The following DSCAM variants were observed in gnomAD, a reference collection of about 807,000 sequenced individuals.
DSCAM encodes the protein cell adhesion molecule DSCAM.
In DSCAM, 47 loss-of-function variants were observed where a neutral mutation model predicts 217.7. That is an observed-to-expected ratio of 0.22 (90% confidence interval 0.17 to 0.28). The LOEUF (loss-of-function observed/expected upper bound fraction) is 0.28. Ranked by LOEUF, DSCAM falls within the 10% of genes least tolerant of loss-of-function variation. The pLI, the probability that DSCAM is intolerant of heterozygous loss-of-function variation, is 1.00. For missense variants in DSCAM, 2,080 were observed against 2,618.3 expected (o/e 0.79, Z 4.49); for synonymous variants, 1,056 against 1,015.3 (o/e 1.04, Z -0.76).
intron 32 of DSCAM, 89 bp downstream of exon 32, chr21:40,042,282 C>A: frequency 6.9e-7 from 1 of 1,443,890 alleles, no homozygotes; most frequent in Non-Finnish European, 9.4e-7. Context: ...TTGGTCTGAA[C>A]ACTGAGAAGG....
At chr21:40,654,936 A>G (rs1002973402) in intron 3 of DSCAM, among the ~76,000 whole-genome samples, 35 of 152,092 alleles carry the variant, frequency 2.3e-4, no homozygotes, top group African/African-American at 8.2e-4. Context: ...TAAGTACCAG[A>G]TTTTCCACCA....
intron 3 of DSCAM, among the ~76,000 whole-genome samples, chr21:40,542,950 C>A (rs1186589760): frequency 6.6e-6 from 1 of 152,126 alleles, no homozygotes; most frequent in South Asian, 2.1e-4. Flanking sequence ...TGGCCCCTCA[C>A]CCGGGCCTCT....
At chr21:40,226,783 G>A (rs1251273541) in intron 11 of DSCAM, among the ~76,000 whole-genome samples, 1 of 152,050 alleles carries the variant, frequency 6.6e-6, no homozygotes, top group African/African-American at 2.4e-5. Flanking sequence ...GGGTACAAGT[G>A]CACATTTATT....
chr21:40,167,026 C>T (rs2090602573), intron 16 of DSCAM, among the ~76,000 whole-genome samples, 192 bp downstream of exon 16: 1 of 150,500 alleles, frequency 6.6e-6, no homozygotes, highest in Non-Finnish European at 1.5e-5. Flanking sequence ...TTCTCTGAGA[C>T]ACAGAATTTG....
intron 3 of DSCAM, among the ~76,000 whole-genome samples, chr21:40,511,498 T>C (rs2076256784): frequency 2.0e-5 from 3 of 152,180 alleles, no homozygotes; most frequent in Admixed American, 6.5e-5. Context: ...AACTTTATCA[T>C]TTCTCCAAAG....
chr21:40,348,389 T>G lies in DSCAM; in HGVS notation c.935-444A>C, dbSNP rs570897274. Among the ~76,000 whole-genome samples, 18 of 151,538 alleles carry G rather than the reference T, an allele frequency of 1.2e-4. No homozygotes were observed. In the South Asian group the frequency reaches 3.5e-3, roughly 30 times the overall value. ...CCCAGAGAGTTCCTATTAGCCACAT[T>G]ATTGCAATCATACCCTAGAGAGTTC... On this transcript the variant is annotated intron_variant, in intron 5 of 32. Coordinates refer to ENST00000400454, the MANE Select transcript of DSCAM (RefSeq NM_001389.5).
intron 9 of DSCAM, among the ~76,000 whole-genome samples, chr21:40,304,152 G>C (rs1467042478): frequency 6.6e-6 from 1 of 152,172 alleles, no homozygotes; most frequent in Non-Finnish European, 1.5e-5. Context: ...TTTTGCTTTT[G>C]GGGTGTTGTT....
intron 3 of DSCAM, among the ~76,000 whole-genome samples, chr21:40,502,651 C>G (rs764624384): frequency 1.1e-4 from 16 of 152,150 alleles, no homozygotes; most frequent in Non-Finnish European, 2.1e-4. Flanking sequence ...CACGGGTTCT[C>G]CCGTCTCTTC....
rs560543526 is a variant in DSCAM, at chr21:40,280,438, C to T, written c.2183-4168G>A. On this transcript the variant is annotated intron_variant, in intron 10 of 32. Transcript: ENST00000400454. ...TCTTGGCCACAATTGATCCTTCCAC[C>T]TTAGCCTCCCAAAGTGTTGGGAAAA... is the stretch of plus-strand genomic sequence containing the variant. 3.9e-5 allele frequency among the ~76,000 whole-genome samples: 6 copies of T among 152,224 alleles called. No individual in the cohort carries two copies. The East Asian group carries it at 9.7e-4, about 25-fold the overall frequency.
rs76167902 is a variant in DSCAM, at chr21:40,334,021, G to T, written c.1783+4080C>A. On this transcript the variant is annotated intron_variant, in intron 8 of 32. Coordinates refer to ENST00000400454, the MANE Select transcript of DSCAM (RefSeq NM_001389.5). ...TAAACTTACATTTCAAACAGTCCTT[G>T]TTTGAATTTTTGTCAGACTTTATTT... Among the ~76,000 whole-genome samples the T allele has an allele frequency of 1.0e-3, 156 of 152,286 alleles. No individual in the cohort carries two copies. In the East Asian group the frequency reaches 0.025, roughly 24 times the overall value.
chr21:40,206,511 T>C (rs2091128072), intron 11 of DSCAM, among the ~76,000 whole-genome samples: 1 of 152,066 alleles, frequency 6.6e-6, no homozygotes, highest in Non-Finnish European at 1.5e-5. Context: ...AGGGCACACA[T>C]TGAGACCCAG....
intron 3 of DSCAM, among the ~76,000 whole-genome samples, chr21:40,442,582 C>T (rs1197977138): frequency 1.0e-4 from 14 of 138,806 alleles, no homozygotes; most frequent in African/African-American, 2.7e-4. Flanking sequence ...TGCAGTGGCA[C>T]GATCTCGGCT....
At chr21:40,518,839 T>C (rs185410396) in intron 3 of DSCAM, among the ~76,000 whole-genome samples, 5 of 151,876 alleles carry the variant, frequency 3.3e-5, no homozygotes, top group Admixed American at 3.3e-4. Flanking sequence ...AATTTCATTA[T>C]CATGCAAACA....
chr21:40,375,338 T>C (rs1478048072), intron 3 of DSCAM, among the ~76,000 whole-genome samples: 1 of 152,264 alleles, frequency 6.6e-6, no homozygotes, highest in Non-Finnish European at 1.5e-5. Flanking sequence ...GGAATCCCAC[T>C]AGACCTAACC....
intron 3 of DSCAM, among the ~76,000 whole-genome samples, chr21:40,467,941 A>AAAAAAC (rs2075858276): frequency 2.0e-5 from 3 of 151,380 alleles, no homozygotes; most frequent in African/African-American, 7.2e-5. Context: ...AAAAAAAAAA[A>AAAAAAC]AAAAAAAAAA....
At chr21:40,518,545 C>A (rs1601710295) in intron 3 of DSCAM, among the ~76,000 whole-genome samples, 1 of 62,148 alleles carries the variant, frequency 1.6e-5, no homozygotes, top group Non-Finnish European at 2.7e-5. Flanking sequence ...TATATATGTA[C>A]ACACACATAT....
At chr21:40,639,076 T>A (rs1051055006) in intron 3 of DSCAM, among the ~76,000 whole-genome samples, 3 of 71,094 alleles carry the variant, frequency 4.2e-5, no homozygotes, top group African/African-American at 1.6e-4. Flanking sequence ...ATATCCTGCA[T>A]TTTTTTTTTT....
chr21:40,338,001 T>C (rs1222045375), intron 8 of DSCAM, 100 bp downstream of exon 8: 3 of 1,439,490 alleles, frequency 2.1e-6, no homozygotes, highest in Admixed American at 1.8e-5. Context: ...TATCCTGCTC[T>C]AAATAAGCAG....
chr21:40,620,240 GAGAGAA>G (rs1329984060), intron 3 of DSCAM, among the ~76,000 whole-genome samples: 71 of 112,556 alleles, frequency 6.3e-4, no homozygotes, highest in Admixed American at 1.2e-3. Context: ...GAAAGAAAGA[GAGAGAA>G]AGAGAGAGAA....
Sources: gnomAD v4.1 joint callset for allele counts (sites outside exome capture counted in the v4.1 genomes callset) on GRCh38, gnomAD v4.1.1 for gene constraint, MANE v1.5 for transcripts, NCBI Gene and HGNC (gene_info 2026-07-23, HGNC 2026-07-21) for gene names.